The following JAZF1 variants were observed in gnomAD, a reference collection of about 807,000 sequenced individuals.
The protein encoded by JAZF1 is JAZF zinc finger 1.
In JAZF1, 8 loss-of-function variants were observed where a neutral mutation model predicts 26.4. The ratio of observed to expected loss-of-function variants is 0.30; its 90% CI spans 0.18 to 0.55. The LOEUF (loss-of-function observed/expected upper bound fraction) is 0.55, where lower values mean the gene tolerates loss of function less well. JAZF1 is among the 20% of genes least tolerant of loss of function. The pLI, the probability that JAZF1 is intolerant of heterozygous loss-of-function variation, is 0.94. For missense variants in JAZF1, 199 were observed against 322.0 expected (o/e 0.62, Z 2.92); for synonymous variants, 126 against 122.3 (o/e 1.03, Z -0.20).
chr7:28,065,387 C>G (rs1292570165), intron 1 of JAZF1, among the ~76,000 whole-genome samples: 1 of 147,046 alleles, frequency 6.8e-6, no homozygotes, highest in African/African-American at 2.5e-5. Context: ...CAGTGAAAAC[C>G]TGGGTAGAGT....
intron 1 of JAZF1, among the ~76,000 whole-genome samples, chr7:28,172,629 T>C (rs1339794403): frequency 6.6e-6 from 1 of 152,208 alleles, no homozygotes; most frequent in East Asian, 1.9e-4. Context: ...CGTAGAATTT[T>C]ACACATCTAA....
intron 4 of JAZF1, among the ~76,000 whole-genome samples, chr7:27,836,393 G>C (rs1322546240): frequency 1.3e-5 from 2 of 152,126 alleles, no homozygotes; most frequent in East Asian, 1.9e-4. Context: ...CGACTTAAAG[G>C]CTTTTCTAAA....
intron 1 of JAZF1, among the ~76,000 whole-genome samples, chr7:28,055,685 G>A (rs4470907): frequency 0.5 from 75,555 of 152,094 alleles, 21,771 homozygotes; most frequent in Non-Finnish European, 0.66. Flanking sequence ...ATTCACCAAT[G>A]TATCTCTTGG....
At chr7:28,162,963 C>G (rs1354841178) in intron 1 of JAZF1, among the ~76,000 whole-genome samples, 2 of 152,204 alleles carry the variant, frequency 1.3e-5, no homozygotes, top group Non-Finnish European at 2.9e-5. Context: ...GTTCCTGCGT[C>G]ATAAACTTAG....
At chr7:27,861,060 C>T (rs1374879472) in intron 3 of JAZF1, among the ~76,000 whole-genome samples, 2 of 152,218 alleles carry the variant, frequency 1.3e-5, no homozygotes, top group African/African-American at 2.4e-5. Flanking sequence ...TCTTCGTTCA[C>T]CCCTTGCTTG....
chr7:28,012,716 G>A (rs1782818319), intron 1 of JAZF1, among the ~76,000 whole-genome samples: 1 of 152,168 alleles, frequency 6.6e-6, no homozygotes, highest in Non-Finnish European at 1.5e-5. Flanking sequence ...GCCTCAGCTG[G>A]CCCTTTGCAA....
At chr7:27,913,739 G>C (rs1337653617) in intron 2 of JAZF1, among the ~76,000 whole-genome samples, 1 of 145,508 alleles carries the variant, frequency 6.9e-6, no homozygotes. Context: ...TTTGCTTTCT[G>C]ACCTACCTTC....
chr7:28,031,763 A>T (rs1783197366), intron 1 of JAZF1, among the ~76,000 whole-genome samples: 1 of 152,158 alleles, frequency 6.6e-6, no homozygotes, highest in South Asian at 2.1e-4. Flanking sequence ...ATCAGGAAAA[A>T]TAGCTAATGC....
At chr7:28,101,910 G>T (rs1784477742) in intron 1 of JAZF1, among the ~76,000 whole-genome samples, 1 of 152,094 alleles carries the variant, frequency 6.6e-6, no homozygotes, top group Admixed American at 6.6e-5. Context: ...ATACGGCATG[G>T]GATGCTTTTA....
At chr7:28,049,506 A>G (rs1381847373) in intron 1 of JAZF1, among the ~76,000 whole-genome samples, 1 of 152,124 alleles carries the variant, frequency 6.6e-6, no homozygotes. Flanking sequence ...GGTGTCCTAC[A>G]ATATATTCAA....
intron 1 of JAZF1, among the ~76,000 whole-genome samples, chr7:28,044,543 G>C (rs1783460662): frequency 6.6e-6 from 1 of 152,124 alleles, no homozygotes; most frequent in Non-Finnish European, 1.5e-5. Context: ...AAAATTTTAA[G>C]AGTCTGCCCA....
chr7:28,033,995 G>A (rs951690420), intron 1 of JAZF1, among the ~76,000 whole-genome samples: 2 of 151,956 alleles, frequency 1.3e-5, no homozygotes, highest in African/African-American at 2.4e-5. Context: ...CACCTGCCTC[G>A]GCCTCCCAAA....
chr7:27,868,290 C>T (rs530196057), intron 3 of JAZF1, among the ~76,000 whole-genome samples: 5 of 152,308 alleles, frequency 3.3e-5, no homozygotes, highest in African/African-American at 4.8e-5. Flanking sequence ...GGGGTTAACA[C>T]GGGTGACCAA....
At position 27,939,975 on chromosome 7, in the gene JAZF1, C is replaced by G. The variant is rs1185677262; in HGVS notation, c.189-44559G>C. Among the ~76,000 whole-genome samples, 7 of 152,150 alleles carry G rather than the reference C, an allele frequency of 4.6e-5. No individual in the cohort carries two copies. The South Asian group carries it at 1.2e-3, about 27-fold the overall frequency. On this transcript the variant is annotated intron_variant, in intron 2 of 4. Coordinates refer to ENST00000283928, the MANE Select transcript of JAZF1 (RefSeq NM_175061.4). ...AAAACCATTCCACGGCTGCCGTGGC[C>G]AGTGAGGAGGGTTCTGAGGACTGAG...
In JAZF1 at chr7:27,921,541, G is replaced by A. The variant is rs921271632; in HGVS notation, c.189-26125C>T. ...TTTGTCATAAGGGCAGACTGGCATC[G>A]ATTCTTCCAGAAGACTCACTGAAAA... On this transcript the variant is annotated intron_variant, in intron 2 of 4. Transcript: ENST00000283928. Among the ~76,000 whole-genome samples the A allele has an allele frequency of 5.3e-5, 8 of 152,146 alleles. No homozygotes were observed. The East Asian group carries it at 5.8e-4, about 11-fold the overall frequency.
intron 1 of JAZF1, among the ~76,000 whole-genome samples, chr7:28,172,591 T>C (rs1783487048): frequency 2.0e-5 from 3 of 152,218 alleles, no homozygotes; most frequent in Admixed American, 2.0e-4. Context: ...TCATACTGAC[T>C]ACACTTAGAT....
rs751193018 is a variant in JAZF1, at chr7:27,840,784, C to T, written c.469G>A (p.Glu157Lys). The T allele has an allele frequency of 5.0e-6, 8 of 1,614,048 alleles. No homozygotes were observed. The highest frequency in any genetic ancestry group is 6.8e-6 in the Non-Finnish European group (8 of 1,180,020). Residue 157 changes from glutamate to lysine, a missense_variant, in exon 4 of 5, where the codon GAA (glutamate) becomes AAA (lysine). This residue lies in a region of JAZF1 where 62 missense variants were observed against 137.2 expected (regional missense o/e 0.45). Coordinates refer to ENST00000283928, the MANE Select transcript of JAZF1 (RefSeq NM_175061.4). This position sits in a 1 kb window ranked among gnomAD's most constrained non-coding sequence, Gnocchi z 5.1. ...ATGCACATGGAGCTGAGGATGGCTT[C>T]GGAGCTGATGGCACTCTCTGTGGTC... ...SWTTESAISS[E>K]AILSSMCMNG...
intron 2 of JAZF1, among the ~76,000 whole-genome samples, chr7:27,943,806 T>C (rs1295086602): frequency 1.3e-5 from 2 of 152,194 alleles, no homozygotes; most frequent in South Asian, 4.1e-4. Flanking sequence ...AGCTGAAAGT[T>C]AATGCATTCC....
At chr7:28,077,140 C>T (rs1193784035) in intron 1 of JAZF1, among the ~76,000 whole-genome samples, 1 of 152,152 alleles carries the variant, frequency 6.6e-6, no homozygotes, top group Admixed American at 6.5e-5. Flanking sequence ...AATTATAACA[C>T]CGGCACTTTA....
Sources: allele counts gnomAD v4.1 joint callset (sites outside exome capture counted in the v4.1 genomes callset), GRCh38; gene constraint gnomAD v4.1.1; regional missense constraint gnomAD v4.1.1; non-coding constraint Gnocchi (gnomAD v3.1); transcripts MANE v1.5; gene names NCBI Gene and HGNC (gene_info 2026-07-23, HGNC 2026-07-21).